Variants in PDE1C observed in about 807,000 individuals in gnomAD.
The protein encoded by PDE1C is dual specificity calcium/calmodulin-dependent 3',5'-cyclic nucleotide phosphodiesterase 1C.
Under a neutral mutation model 93.1 loss-of-function variants are expected in PDE1C, and 62 were observed. That is an observed-to-expected ratio of 0.67 (90% CI 0.54 to 0.82). The LOEUF (loss-of-function observed/expected upper bound fraction) is 0.82. Ranked by LOEUF, PDE1C falls within the 40% of genes least tolerant of loss-of-function variation. The pLI is 0.00. For synonymous variants in PDE1C, 325 were observed against 310.1 expected, an observed-to-expected ratio of 1.05 and a Z score of -0.50; for missense variants, 742 against 884.6, an observed-to-expected ratio of 0.84 and a Z score of 2.04.
chr7:32,058,484 A>G (rs1316493595), intron 1 of PDE1C, among the ~76,000 whole-genome samples: 1 of 152,244 alleles, frequency 6.6e-6, no homozygotes, highest in African/African-American at 2.4e-5. Flanking sequence ...CTGAACGATC[A>G]TCTGATCCTC....
chr7:31,919,128 AAACT>A (rs1346003708), intron 2 of PDE1C, among the ~76,000 whole-genome samples: 1 of 152,240 alleles, frequency 6.6e-6, no homozygotes, highest in Non-Finnish European at 1.5e-5. Flanking sequence ...TAAAAATAGA[AAACT>A]AACACTCAAG....
chr7:31,942,688 G>C (rs185696917), intron 2 of PDE1C, among the ~76,000 whole-genome samples: 1 of 152,230 alleles, frequency 6.6e-6, no homozygotes. Flanking sequence ...TCTAGAGACA[G>C]TAATAAGAAA....
intron 3 of PDE1C, among the ~76,000 whole-genome samples, chr7:32,144,688 A>C (rs1157601575): frequency 6.6e-6 from 1 of 152,230 alleles, no homozygotes; most frequent in African/African-American, 2.4e-5. Context: ...TACGGAAGGC[A>C]GGTATGGTTA....
the PDE1C span, among the ~76,000 whole-genome samples, chr7:31,712,018 G>T: frequency 1.3e-5 from 2 of 152,142 alleles, no homozygotes; most frequent in Non-Finnish European, 2.9e-5. Context: ...GCTCAGCAAA[G>T]TGCCACTTTC....
intron 2 of PDE1C, among the ~76,000 whole-genome samples, chr7:32,174,629 A>G (rs1802867643): frequency 6.6e-6 from 1 of 152,226 alleles, no homozygotes; most frequent in Non-Finnish European, 1.5e-5. Flanking sequence ...AGATCGGGTC[A>G]GAGGCTGGTT....
At chr7:31,871,104 C>T (rs1002911811) in intron 6 of PDE1C, among the ~76,000 whole-genome samples, 2 of 151,812 alleles carry the variant, frequency 1.3e-5, no homozygotes, top group South Asian at 2.1e-4. Context: ...TGATTTTTGA[C>T]AAAGGCACCA....
chr7:32,011,198 T>A (rs557346884), intron 2 of PDE1C, among the ~76,000 whole-genome samples: 1,802 of 87,174 alleles, frequency 0.021, 16 homozygotes, highest in Non-Finnish European at 0.028. Context: ...AATTAACAAT[T>A]TTTTTTTTTT....
chr7:32,170,498 A>G (rs1310964075), intron 2 of PDE1C, among the ~76,000 whole-genome samples: 4 of 152,180 alleles, frequency 2.6e-5, no homozygotes, highest in Admixed American at 6.5e-5. Context: ...ATCAAGTGGA[A>G]GCGGTGTCTA....
chr7:32,223,113 C>T (rs917938312), intron 1 of PDE1C, among the ~76,000 whole-genome samples: 19 of 152,236 alleles, frequency 1.2e-4, no homozygotes, highest in Admixed American at 1.0e-3. Flanking sequence ...CTCAGTGTTT[C>T]TCCTAGTGTT....
the PDE1C span, among the ~76,000 whole-genome samples, chr7:31,691,066 G>A: frequency 6.6e-5 from 10 of 152,108 alleles, no homozygotes; most frequent in African/African-American, 1.2e-4. Flanking sequence ...CCTGATGGTC[G>A]CAGGGAGTTG....
At chr7:32,422,540 C>T (rs539210555) in intron 1 of PDE1C, among the ~76,000 whole-genome samples, 2 of 146,992 alleles carry the variant, frequency 1.4e-5, no homozygotes, top group South Asian at 2.3e-4. Context: ...TATTTATGTT[C>T]CTGTCTACCC....
chr7:31,640,394 C>G, the PDE1C span, among the ~76,000 whole-genome samples: 1 of 152,194 alleles, frequency 6.6e-6, no homozygotes, highest in Non-Finnish European at 1.5e-5. Context: ...AGAGTTCTCT[C>G]TGTGTGCAGC....
intron 2 of PDE1C, among the ~76,000 whole-genome samples, chr7:31,957,662 A>T (rs1352215407): frequency 2.0e-5 from 3 of 151,500 alleles, no homozygotes; most frequent in Non-Finnish European, 3.0e-5. Flanking sequence ...CCATATTAGC[A>T]CAGTTTTTGT....
intron 3 of PDE1C, among the ~76,000 whole-genome samples, chr7:32,165,068 T>G (rs1482343629): frequency 1.3e-5 from 2 of 152,222 alleles, no homozygotes; most frequent in African/African-American, 4.8e-5. Flanking sequence ...CTTTCTTCTT[T>G]TCAAAAATCT....
intron 1 of PDE1C, among the ~76,000 whole-genome samples, chr7:32,261,313 T>C (rs1810179923): frequency 6.6e-6 from 1 of 151,726 alleles, no homozygotes; most frequent in South Asian, 2.1e-4. Flanking sequence ...AGTTCCGCCA[T>C]CACCTACAGG....
rs1800810666 is a variant in PDE1C, at chr7:31,908,094, A to C, written c.129-27234T>G. ...TTCATTTAAATGTTTTCAGTAGGAA[A>C]GCTTGACAAAAGTGACATTCAGTCA... On this transcript the variant is annotated intron_variant, in intron 2 of 17. Coordinates refer to ENST00000396191, the MANE Select transcript of PDE1C (RefSeq NM_001191057.4). Among the ~76,000 whole-genome samples, 3 of 152,184 alleles carry C rather than the reference A, an allele frequency of 2.0e-5. No homozygotes were observed. In the South Asian group the frequency reaches 6.2e-4, roughly 32 times the overall value.
chr7:31,895,053 G>A (rs1799107267), intron 2 of PDE1C, among the ~76,000 whole-genome samples: 1 of 152,132 alleles, frequency 6.6e-6, no homozygotes, highest in African/African-American at 2.4e-5. Context: ...GGTTACATCA[G>A]ATTAAAAACA....
At chr7:32,329,857 C>T (rs1039985430) in intron 1 of PDE1C, among the ~76,000 whole-genome samples, 2 of 152,106 alleles carry the variant, frequency 1.3e-5, no homozygotes, top group Non-Finnish European at 2.9e-5. Context: ...TGCCGAAAAC[C>T]GGTGGAAAGG....
intron 1 of PDE1C, among the ~76,000 whole-genome samples, chr7:32,358,508 G>A (rs1784073681): frequency 6.6e-6 from 1 of 152,138 alleles, no homozygotes. Context: ...AAAGAACTCT[G>A]CTGAGCTCTG....
Sources: allele counts gnomAD v4.1 joint callset (sites outside exome capture counted in the v4.1 genomes callset), GRCh38; gene constraint gnomAD v4.1.1; transcripts MANE v1.5; gene names NCBI Gene and HGNC (gene_info 2026-07-23, HGNC 2026-07-21).